KMT2C: variants seen among roughly 807,000 people sequenced by gnomAD.
The protein encoded by KMT2C is histone-lysine N-methyltransferase 2C.
A neutral mutation model predicts 507.9 loss-of-function variants in KMT2C; 88 were observed. That is an observed-to-expected ratio of 0.17 (90% CI 0.15 to 0.21). The LOEUF (loss-of-function observed/expected upper bound fraction) is 0.21. KMT2C is among the 10% of genes least tolerant of loss of function. The probability of loss-of-function intolerance (pLI) is 1.00; values close to 1 mark genes in which losing one functional copy is unlikely to be tolerated. For synonymous variants in KMT2C, 2,049 were observed against 2,080.8 expected (o/e 0.98, Z 0.42); for missense variants, 4,954 against 5,957.8 (o/e 0.83, Z 5.55).
chr7:152,175,125 G>C (rs1041026005), intron 38 of KMT2C, among the ~76,000 whole-genome samples: 2 of 147,358 alleles, frequency 1.4e-5, no homozygotes, highest in Non-Finnish European at 3.0e-5. Flanking sequence ...TACCTGGAAA[G>C]AATCTAAAAC....
chr7:152,163,514 T>A lies in KMT2C; in HGVS notation c.10063A>T (p.Ile3355Phe), dbSNP rs567529073. The A allele has an allele frequency of 6.2e-7, 1 of 1,613,438 alleles. No individual in the cohort carries two copies. Among genetic ancestry groups the A allele is most frequent in the Admixed American group, 1.7e-5 (1 of 59,966 alleles). ...PLNPPRIQPP[I>F]AQLPIKTCTP... ...CAAGTTTTTATTGGTAACTGGGCAA[T>A]TGGGGGCTGAATTCTAGGAGGATTG... is the stretch of plus-strand genomic sequence containing the variant. The change falls in exon 43 of 59, where the codon ATT (isoleucine) becomes TTT (phenylalanine). Residue 3355 changes from isoleucine (I) to phenylalanine (F), a missense_variant. This residue lies in a region of KMT2C where 801 missense variants were observed against 751.2 expected (regional missense o/e 1.07). Transcript: ENST00000262189.
intron 9 of KMT2C, among the ~76,000 whole-genome samples, chr7:152,262,056 C>T (rs1479247802): frequency 2.0e-5 from 3 of 152,040 alleles, no homozygotes; most frequent in Admixed American, 6.6e-5. Flanking sequence ...ACAAAAGAAC[C>T]TGGTAATACT....
Position 152,307,550 on chromosome 7 carries a change from C to T in KMT2C, c.849+2416G>A, listed in dbSNP as rs140741403. On this transcript the variant is annotated intron_variant, in intron 6 of 58. Transcript: ENST00000262189. The stretch of plus-strand genomic sequence containing the variant: ...CTAATCCCCACATGGTCTACCAACT[C>T]CAAGTACTCAATCTGCATTTAACTT... 2.0e-5 allele frequency among the ~76,000 whole-genome samples: 3 copies of T among 152,232 alleles called. No individual in the cohort carries two copies. In the East Asian group the frequency reaches 5.8e-4, roughly 29 times the overall value.
chr7:152,422,716 T>C (rs2097784765), intron 1 of KMT2C, among the ~76,000 whole-genome samples: 1 of 151,948 alleles, frequency 6.6e-6, no homozygotes, highest in East Asian at 1.9e-4. Flanking sequence ...AGTAGCAAGG[T>C]ACTCATCTAA....
intron 6 of KMT2C, among the ~76,000 whole-genome samples, chr7:152,306,036 T>G (rs1475981687): frequency 3.3e-5 from 5 of 152,242 alleles, no homozygotes; most frequent in Non-Finnish European, 4.4e-5. Flanking sequence ...TATTTCTGTA[T>G]GTCTGTGTAA....
chr7:152,362,882 T>C (rs1351039657), intron 1 of KMT2C, among the ~76,000 whole-genome samples: 3 of 152,262 alleles, frequency 2.0e-5, no homozygotes, highest in Non-Finnish European at 4.4e-5. Flanking sequence ...GTTTTGGCAC[T>C]AGGAAGACAT....
chr7:152,256,239 G>A (rs1203830657), intron 9 of KMT2C, among the ~76,000 whole-genome samples: 1 of 152,022 alleles, frequency 6.6e-6, no homozygotes, highest in Non-Finnish European at 1.5e-5. Flanking sequence ...CCTCAGTGTA[G>A]GGAAAGGCTT....
chr7:152,368,243 A>C, intron 1 of KMT2C: 1 of 908,036 alleles, frequency 1.1e-6, no homozygotes, highest in East Asian at 2.4e-5. Context: ...CAGGACTTGA[A>C]AGATGTTACT....
chr7:152,165,195 A>G (rs1209390998), intron 42 of KMT2C, among the ~76,000 whole-genome samples: 1 of 152,268 alleles, frequency 6.6e-6, no homozygotes, highest in Non-Finnish European at 1.5e-5. Flanking sequence ...TGTGGGATAT[A>G]TAAGGTGGTC....
At chr7:152,339,936 A>ACCACG (rs2096975162) in intron 2 of KMT2C, among the ~76,000 whole-genome samples, 1 of 152,174 alleles carries the variant, frequency 6.6e-6, no homozygotes, top group Admixed American at 6.5e-5. Flanking sequence ...ACTGACATTC[A>ACCACG]TTATCGACTA....
In KMT2C at chr7:152,176,338, GTGCTAATGT is replaced by G; in HGVS notation, c.9106_9114del (p.Thr3036_Ala3038del). On this transcript the variant is annotated inframe_deletion, in exon 38 of 59. Coordinates refer to ENST00000262189, the MANE Select transcript of KMT2C (RefSeq NM_170606.3). ...AGAAGGGGCCTCTCTCTATTCTGCT[GTGCTAATGT>G]TTGAGGAATCATTAGCTGTTGGGGT... 6.2e-7 allele frequency: 1 copy of G among 1,614,096 alleles called. No individual in the cohort carries two copies. Among genetic ancestry groups the G allele is most frequent in the Non-Finnish European group, 8.5e-7 (1 of 1,180,010 alleles).
At chr7:152,336,656 T>A (rs978283013) in intron 2 of KMT2C, among the ~76,000 whole-genome samples, 3 of 152,228 alleles carry the variant, frequency 2.0e-5, no homozygotes, top group African/African-American at 7.2e-5. Context: ...TCCACCACTT[T>A]GCAGAGTTTT....
intron 2 of KMT2C, among the ~76,000 whole-genome samples, chr7:152,335,146 A>G (rs188790042): frequency 6.6e-6 from 1 of 152,344 alleles, no homozygotes; most frequent in Admixed American, 6.5e-5. Flanking sequence ...AGCATCTGGA[A>G]TGACCCAAAG....
intron 1 of KMT2C, among the ~76,000 whole-genome samples, chr7:152,375,750 T>C (rs1400835597): frequency 1.3e-5 from 2 of 152,160 alleles, no homozygotes; most frequent in African/African-American, 2.4e-5. Context: ...TGTTACGTTT[T>C]AGTAATCCTC....
intron 1 of KMT2C, among the ~76,000 whole-genome samples, chr7:152,426,841 A>G (rs2097823882): frequency 1.3e-5 from 2 of 152,242 alleles, no homozygotes; most frequent in Non-Finnish European, 1.5e-5. Flanking sequence ...GCTAATATGT[A>G]GTACAACCTA....
intron 1 of KMT2C, among the ~76,000 whole-genome samples, chr7:152,413,607 G>A (rs940427275): frequency 9.2e-5 from 14 of 152,000 alleles, no homozygotes; most frequent in African/African-American, 2.9e-4. Flanking sequence ...AAAACTGGCC[G>A]GGCATGGTGG....
rs759531182 is a variant in KMT2C, at chr7:152,181,017, A to G, written c.6843T>C (p.Pro2281=). 3.1e-6 allele frequency: 5 copies of G among 1,614,094 alleles called. No individual in the cohort carries two copies. The highest frequency in any genetic ancestry group is 1.3e-5 in the African/African-American group (1 of 74,952). ...CACGGCTAAATGTGTCTGAAAGACC[A>G]GGTCCAGGGGGCCTAGGTGTCTGGG... ...TCSQTPRPPG[P]GLSDTFSRVS... Residue 2281 remains proline, a synonymous_variant, in exon 36 of 59, where the codon CCT becomes CCC. Coordinates refer to ENST00000262189, the MANE Select transcript of KMT2C (RefSeq NM_170606.3).
At chr7:152,188,920 C>T (rs1368889197) in intron 31 of KMT2C, among the ~76,000 whole-genome samples, 3 of 152,048 alleles carry the variant, frequency 2.0e-5, no homozygotes, top group Non-Finnish European at 4.4e-5. Context: ...ACCTATGATT[C>T]TTAAATTGAT....
In KMT2C at chr7:152,135,818, T is replaced by C. The variant is rs757839907; in HGVS notation, c.*1014A>G. 1.3e-5 allele frequency: 3 copies of C among 230,870 alleles called. No individual in the cohort carries two copies. The highest frequency in any genetic ancestry group is 2.6e-5 in the Non-Finnish European group (3 of 116,384). 14.3% of individuals were successfully genotyped at this position (230,870 alleles called of 1,614,324 possible). ...AGCTATAAAAGTTGTAGTCGTAGCATACGCCCCGCTCTGTCAGAAGTAAGG... is the reference window on the plus strand; with the variant it reads ...AGCTATAAAAGTTGTAGTCGTAGCACACGCCCCGCTCTGTCAGAAGTAAGG... On this transcript the variant is annotated 3_prime_UTR_variant, in exon 59 of 59. Coordinates refer to ENST00000262189, the MANE Select transcript of KMT2C (RefSeq NM_170606.3).
Sources: allele counts gnomAD v4.1 joint callset (sites outside exome capture counted in the v4.1 genomes callset), GRCh38; gene constraint gnomAD v4.1.1; regional missense constraint gnomAD v4.1.1; transcripts MANE v1.5; gene names NCBI Gene and HGNC (gene_info 2026-07-23, HGNC 2026-07-21).